The following SMIM27 variants were observed in gnomAD, a reference collection of about 807,000 sequenced individuals.
The protein encoded by SMIM27 is transition zone microprotein 1.
SMIM27 carries 3 observed loss-of-function variants against 1.8 expected under a neutral mutation model. The ratio of observed to expected loss-of-function variants is 1.65; its 90% CI spans 0.75 to 4.28. The LOEUF (loss-of-function observed/expected upper bound fraction) is 4.28, where lower values mean the gene tolerates loss of function less well. Ranked by LOEUF, SMIM27 falls within the 30% of genes most tolerant of loss-of-function variation. The pLI is 0.02. For synonymous variants in SMIM27, 19 were observed against 13.9 expected, an observed-to-expected ratio of 1.37 and a Z score of -0.82; for missense variants, 63 against 37.0, an observed-to-expected ratio of 1.70 and a Z score of -1.83.
At chr9:32,557,369 A>C (rs1384948519), downstream of SMIM27, among the ~76,000 whole-genome samples, 1 of 151,350 alleles carries the variant, frequency 6.6e-6, no homozygotes, top group African/African-American at 2.4e-5. Context: ...GTGTTTCACC[A>C]TGTTGGCCAG....
At chr9:32,556,276 CAGTG>C (rs1194030143), downstream of SMIM27, among the ~76,000 whole-genome samples, 2 of 152,216 alleles carry the variant, frequency 1.3e-5, no homozygotes, top group Non-Finnish European at 2.9e-5. Context: ...GGGAAGATGA[CAGTG>C]AGTTTTAGCT....
At chr9:32,554,080 CA>C (rs1821385377), downstream of SMIM27, 2 of 532,060 alleles carry the variant, frequency 3.8e-6, no homozygotes, top group East Asian at 6.0e-5. Context: ...GGACCCTAGA[CA>C]AAGTAGAAGC....
chr9:32,553,725 TACTC>T, downstream of SMIM27: 1 of 588,488 alleles, frequency 1.7e-6, no homozygotes, highest in Non-Finnish European at 3.0e-6. Context: ...ATTGTTAAAT[TACTC>T]AGTCTCAAAT....
chr9:32,553,137 G>T, downstream of SMIM27: 1 of 434,056 alleles, frequency 2.3e-6, no homozygotes. Flanking sequence ...TTGAGTGTCA[G>T]ATCATAGTTG....
chr9:32,565,129 C>T (rs916769053), intron 1 of SMIM27, among the ~76,000 whole-genome samples: 2 of 151,992 alleles, frequency 1.3e-5, no homozygotes, highest in Non-Finnish European at 2.9e-5. Context: ...CTCATCTCTG[C>T]TAAAAATACA....
chr9:32,552,572 A>C, intron 1 of SMIM27, 93 bp downstream of exon 1: 2 of 1,123,358 alleles, frequency 1.8e-6, no homozygotes, highest in Non-Finnish European at 2.6e-6. Context: ...AAACTCCAAA[A>C]TCCATTCCTG....
At chr9:32,566,834 C>T in exon 2 of SMIM27, 1 of 884,128 alleles carries the variant, frequency 1.1e-6, no homozygotes, top group South Asian at 1.4e-5. Context: ...GGGGCCTGCT[C>T]ATCACACAGT....
At chr9:32,559,893 T>C (rs1821579648) in intron 1 of SMIM27, among the ~76,000 whole-genome samples, 3 of 152,198 alleles carry the variant, frequency 2.0e-5, no homozygotes, top group Admixed American at 6.5e-5. Flanking sequence ...AACAATGCCT[T>C]GCACATAAGA....
At chr9:32,560,776 CAA>C (rs1368654035) in intron 1 of SMIM27, among the ~76,000 whole-genome samples, 1 of 151,764 alleles carries the variant, frequency 6.6e-6, no homozygotes, top group Non-Finnish European at 1.5e-5. Context: ...TCAATTAATC[CAA>C]AGATAGTAAA....
chr9:32,555,474 A>G (rs1821430311), downstream of SMIM27, among the ~76,000 whole-genome samples: 1 of 152,234 alleles, frequency 6.6e-6, no homozygotes, highest in Admixed American at 6.5e-5. Flanking sequence ...AGGCAGATGC[A>G]TAAGGACAAA....
chr9:32,552,591 A>G, intron 1 of SMIM27, 112 bp downstream of exon 1: 1 of 920,064 alleles, frequency 1.1e-6, no homozygotes, highest in Non-Finnish European at 1.7e-6. Context: ...TGAATTAAGC[A>G]TTTCACTCCC....
chr9:32,551,152 TC>T, upstream of SMIM27: 1 of 720,888 alleles, frequency 1.4e-6, no homozygotes, highest in Non-Finnish European at 2.4e-6. Flanking sequence ...CCCCCGCCGC[TC>T]CAGACCCCGG....
chr9:32,561,557 G>C (rs1299575754), intron 1 of SMIM27, among the ~76,000 whole-genome samples: 1 of 151,978 alleles, frequency 6.6e-6, no homozygotes, highest in African/African-American at 2.4e-5. Context: ...TCGAACCTCT[G>C]AGCTCAAGCA....
chr9:32,553,963 A>G (rs1418804535), downstream of SMIM27: 1 of 1,504,746 alleles, frequency 6.6e-7, no homozygotes, highest in African/African-American at 1.4e-5. Context: ...ACAAAGATAC[A>G]GTTAGTACAA....
At chr9:32,551,186 C>T (rs1191969323), upstream of SMIM27, 5 of 624,476 alleles carry the variant, frequency 8.0e-6, no homozygotes, top group Non-Finnish European at 1.4e-5. Context: ...CGACCCTCCC[C>T]ATCTTGTTAC....
At chr9:32,554,423 T>C (rs190928945), downstream of SMIM27, among the ~76,000 whole-genome samples, 6 of 152,338 alleles carry the variant, frequency 3.9e-5, no homozygotes, top group Admixed American at 1.3e-4. Flanking sequence ...ATTCTTGATA[T>C]AGATGTGGGC....
chr9:32,552,344 G>A lies in SMIM27; in HGVS notation c.-91G>A. The A allele has an allele frequency of 1.3e-6, 2 of 1,548,032 alleles. No individual in the cohort carries two copies. Among genetic ancestry groups the A allele is most frequent in the Non-Finnish European group, 1.8e-6 (2 of 1,139,656 alleles). ...GGGCGCTCGTGCCCGGCTAAAAGAT[G>A]GCTGCTGGCGCCTGGCAGCCACCGC... On this transcript the variant is annotated 5_prime_UTR_variant, in exon 1 of 2. The change abolishes an upstream ATG in the 5' untranslated region. Coordinates refer to ENST00000692500, the MANE Select transcript of SMIM27 (RefSeq NM_001387564.1).
At chr9:32,564,516 T>TA (rs145304800) in intron 1 of SMIM27, among the ~76,000 whole-genome samples, 6,134 of 151,526 alleles carry the variant, frequency 0.04, 451 homozygotes, top group African/African-American at 0.14. Flanking sequence ...TACACTTTTT[T>TA]AAAAAAAAGT....
At chr9:32,566,142 T>C (rs1402465912) in intron 1 of SMIM27, 7 of 675,342 alleles carry the variant, frequency 1.0e-5, no homozygotes, top group Non-Finnish European at 1.9e-5. Flanking sequence ...ATATGGTGTG[T>C]ATATGTCACT....
Sources: allele counts gnomAD v4.1 joint callset (sites outside exome capture counted in the v4.1 genomes callset), GRCh38; gene constraint gnomAD v4.1.1; transcripts MANE v1.5; gene names NCBI Gene and HGNC (gene_info 2026-07-23, HGNC 2026-07-21).